The following RYR2 variants were observed in gnomAD, a reference collection of about 807,000 sequenced individuals.
The protein encoded by RYR2 is cardiac muscle ryanodine receptor-calcium release channel.
RYR2 carries 227 observed loss-of-function variants against 601.1 expected under a neutral mutation model. That is an observed-to-expected ratio of 0.38 (90% CI 0.34 to 0.42). The LOEUF (loss-of-function observed/expected upper bound fraction) is 0.42, where lower values mean the gene tolerates loss of function less well. RYR2 is among the 10% of genes least tolerant of loss of function. The probability of loss-of-function intolerance (pLI) is 1.00; values close to 1 mark genes in which losing one functional copy is unlikely to be tolerated. For synonymous variants in RYR2, 2,223 were observed against 2,175.1 expected, an observed-to-expected ratio of 1.02 and a Z score of -0.61; for missense variants, 4,646 against 6,156.5, an observed-to-expected ratio of 0.75 and a Z score of 8.21.
intron 12 of RYR2, among the ~76,000 whole-genome samples, chr1:237,435,322 C>G (rs573414535): frequency 6.6e-6 from 1 of 152,090 alleles, no homozygotes; most frequent in Non-Finnish European, 1.5e-5. Flanking sequence ...GTTGAGGAAA[C>G]TGAGGCTTAG....
intron 1 of RYR2, among the ~76,000 whole-genome samples, chr1:237,101,731 G>A (rs560793650): frequency 4.1e-4 from 62 of 152,308 alleles, no homozygotes; most frequent in African/African-American, 1.3e-3. Flanking sequence ...CAACCTCATC[G>A]TTAGGAGAGG....
At chr1:237,281,397 A>G (rs375384134) in intron 2 of RYR2, among the ~76,000 whole-genome samples, 2 of 151,646 alleles carry the variant, frequency 1.3e-5, no homozygotes, top group South Asian at 4.2e-4. Flanking sequence ...CATAAGATGT[A>G]GAAAATGAAG....
chr1:237,816,514 C>G lies in RYR2; in HGVS notation c.14434-2522C>G, dbSNP rs529920423. On this transcript the variant is annotated intron_variant, in intron 100 of 104. Transcript: ENST00000366574. Reference sequence around the variant, plus strand: ...GACCAGCCTGGCCAACATGGTGAAACTCCATCTCTACCAAAAATACAAAAA... The same window carrying G: ...GACCAGCCTGGCCAACATGGTGAAAGTCCATCTCTACCAAAAATACAAAAA... Among the ~76,000 whole-genome samples the G allele has an allele frequency of 3.2e-3, 482 of 152,102 alleles. 2 individuals carry two copies. The highest frequency in any genetic ancestry group is 4.5e-3 in the Non-Finnish European group (308 of 67,998).
At chr1:237,294,952 G>A (rs985178748) in intron 2 of RYR2, among the ~76,000 whole-genome samples, 5 of 152,122 alleles carry the variant, frequency 3.3e-5, no homozygotes, top group South Asian at 2.1e-4. Flanking sequence ...GGTGGCTTAC[G>A]CCTATAATCC....
chr1:237,555,593 TC>T (rs1426164237), intron 27 of RYR2, among the ~76,000 whole-genome samples: 1 of 152,074 alleles, frequency 6.6e-6, no homozygotes, highest in Non-Finnish European at 1.5e-5. Flanking sequence ...TTCCTTCCGC[TC>T]CCCCACTCTG....
chr1:237,665,509 T>C (rs949018245), intron 56 of RYR2, among the ~76,000 whole-genome samples: 2 of 150,528 alleles, frequency 1.3e-5, no homozygotes, highest in Non-Finnish European at 3.0e-5. Context: ...TCAGTGAGAG[T>C]TTGGGGCTGC....
rs574382657 is a variant in RYR2 at position 237,733,567 on chromosome 1, C to A, written c.11040-138C>A. 864 of 677,106 alleles carry A rather than the reference C, an allele frequency of 1.3e-3. 4 individuals carry two copies. Among genetic ancestry groups the A allele is most frequent in the African/African-American group, 0.011 (587 of 55,704 alleles). 41.9% of individuals were successfully genotyped at this position (677,106 alleles called of 1,614,324 possible). A position where few individuals can be genotyped will look rare whatever the true frequency, so the allele number is the denominator to read the frequency against. ...ATATTTCTGAATATCCTAATATTGTCTTAGTTTTGTGTTCATTTAATTTTA... is the reference window on the plus strand; with the variant it reads ...ATATTTCTGAATATCCTAATATTGTATTAGTTTTGTGTTCATTTAATTTTA... On this transcript the variant is annotated intron_variant, in intron 78 of 104. Transcript: ENST00000366574.
chr1:237,667,361 G>A (rs1168752429), intron 57 of RYR2, among the ~76,000 whole-genome samples: 2 of 152,150 alleles, frequency 1.3e-5, no homozygotes, highest in Non-Finnish European at 2.9e-5. Flanking sequence ...AAATGACACA[G>A]TAAACTTGAA....
chr1:237,626,883 G>A (rs902481808), intron 40 of RYR2, among the ~76,000 whole-genome samples: 4 of 151,946 alleles, frequency 2.6e-5, no homozygotes, highest in African/African-American at 9.7e-5. Context: ...AGAGTTCAAC[G>A]TTTCTTATGA....
chr1:237,051,908 C>T (rs746478425), intron 1 of RYR2, among the ~76,000 whole-genome samples: 6 of 152,078 alleles, frequency 3.9e-5, no homozygotes, highest in Admixed American at 6.6e-5. Context: ...AAACTTGGTG[C>T]CCTGCTTCTA....
Position 237,600,783 on chromosome 1 carries a change from G to A in RYR2, c.4597-1242G>A, listed in dbSNP as rs1573046041. 3.3e-5 allele frequency among the ~76,000 whole-genome samples: 5 copies of A among 152,200 alleles called. No homozygotes were observed. In the Middle Eastern group the frequency reaches 0.017, roughly 518 times the overall value. On this transcript the variant is annotated intron_variant, in intron 34 of 104. Coordinates refer to ENST00000366574, the MANE Select transcript of RYR2 (RefSeq NM_001035.3). Reference sequence around the variant, plus strand: ...CAATCTGATTTAAAAGGGGGCAAAAGACCTTAATAAACATTTCTCAAAAGA... The same window carrying A: ...CAATCTGATTTAAAAGGGGGCAAAAAACCTTAATAAACATTTCTCAAAAGA...
At chr1:237,786,134 T>G in intron 91 of RYR2, 98 bp downstream of exon 91, 4 of 762,172 alleles carry the variant, frequency 5.2e-6, no homozygotes, top group Non-Finnish European at 6.5e-6. Context: ...GAGAATCTCA[T>G]ATTGTCAAGG....
chr1:237,137,915 T>C (rs1672960298), intron 1 of RYR2, among the ~76,000 whole-genome samples: 1 of 152,254 alleles, frequency 6.6e-6, no homozygotes, highest in Non-Finnish European at 1.5e-5. Context: ...TCACAGACTC[T>C]CAACATGCTT....
intron 1 of RYR2, among the ~76,000 whole-genome samples, chr1:237,058,807 C>CG (rs1411302424): frequency 4.5e-4 from 13 of 28,880 alleles, no homozygotes; most frequent in Non-Finnish European, 5.7e-4. Context: ...GGCGGGGGGC[C>CG]GGGGGGCGGG....
At chr1:237,403,594 G>A (rs970703762) in intron 10 of RYR2, among the ~76,000 whole-genome samples, 3 of 152,056 alleles carry the variant, frequency 2.0e-5, no homozygotes, top group African/African-American at 7.2e-5. Context: ...CCTGGCTAAT[G>A]TTTAAATTTT....
intron 6 of RYR2, among the ~76,000 whole-genome samples, chr1:237,369,917 T>G (rs1006580303): frequency 1.3e-5 from 2 of 152,168 alleles, no homozygotes; most frequent in African/African-American, 4.8e-5. Flanking sequence ...TGATTTTGTT[T>G]TGAAGAGTTC....
intron 2 of RYR2, among the ~76,000 whole-genome samples, chr1:237,301,399 G>C (rs973804307): frequency 6.6e-6 from 1 of 152,146 alleles, no homozygotes; most frequent in Non-Finnish European, 1.5e-5. Context: ...TTAGCATACT[G>C]TAGGAACTTC....
intron 1 of RYR2, among the ~76,000 whole-genome samples, chr1:237,094,943 C>T (rs1667366214): frequency 6.6e-6 from 1 of 152,174 alleles, no homozygotes. Context: ...ATATCAATTG[C>T]TTCCTGGATG....
chr1:237,602,251 G>A (rs1245569551), intron 35 of RYR2, 140 bp downstream of exon 35: 7 of 599,534 alleles, frequency 1.2e-5, no homozygotes, highest in Non-Finnish European at 1.9e-5. Flanking sequence ...AGCCATGCTT[G>A]AAAATCTCTT....
Sources: allele counts gnomAD v4.1 joint callset (sites outside exome capture counted in the v4.1 genomes callset), GRCh38; gene constraint gnomAD v4.1.1; transcripts MANE v1.5; gene names NCBI Gene and HGNC (gene_info 2026-07-23, HGNC 2026-07-21).